The following ZSCAN5A variants were observed in gnomAD, a reference collection of about 807,000 sequenced individuals.
ZSCAN5A encodes zinc finger and SCAN domain-containing protein 5A.
A neutral mutation model predicts 23.7 loss-of-function variants in ZSCAN5A; 12 were observed. That is an observed-to-expected ratio of 0.51 (90% CI 0.32 to 0.82). The LOEUF (loss-of-function observed/expected upper bound fraction) is 0.82. ZSCAN5A is among the 40% of genes least tolerant of loss of function. The pLI is 0.03. For missense variants in ZSCAN5A, 597 were observed against 617.9 expected (o/e 0.97, Z 0.36); for synonymous variants, 257 against 239.9 (o/e 1.07, Z -0.66).
At chr19:56,345,327 TTG>T (rs1412606012) in intron 2 of ZSCAN5A, among the ~76,000 whole-genome samples, 1 of 152,234 alleles carries the variant, frequency 6.6e-6, no homozygotes, top group Non-Finnish European at 1.5e-5. Flanking sequence ...TAGTGAAACA[TTG>T]TTTACATAAC....
chr19:56,331,793 CCAGGCTGGTCTTGAACTCCTGACCT>C (rs1251515548), intron 2 of ZSCAN5A, among the ~76,000 whole-genome samples: 2 of 151,740 alleles, frequency 1.3e-5, no homozygotes, highest in African/African-American at 4.8e-5. Context: ...CGTCAGTTGG[CCAGGCTGGTCTTGAACTCCTGACCT>C]CAGGTGGTCC....
chr19:56,245,427 T>C (rs2035803681), intron 2 of ZSCAN5A: 2 of 666,824 alleles, frequency 3.0e-6, no homozygotes, highest in South Asian at 1.8e-5. Context: ...AGAAGGCAGG[T>C]GAGTGTGTGA....
chr19:56,243,061 G>A (rs556672324), intron 2 of ZSCAN5A, among the ~76,000 whole-genome samples: 5 of 152,172 alleles, frequency 3.3e-5, no homozygotes, highest in Non-Finnish European at 7.4e-5. Flanking sequence ...CTACAGGCAT[G>A]AGCCACCACA....
chr19:56,331,527 A>G (rs1265798739), intron 2 of ZSCAN5A, among the ~76,000 whole-genome samples: 1 of 127,602 alleles, frequency 7.8e-6, no homozygotes, highest in African/African-American at 3.0e-5. Context: ...TTGGTTATAT[A>G]TAGTCTAGGC....
At chr19:56,246,817 G>A (rs754511207) in intron 2 of ZSCAN5A, 22 of 1,611,094 alleles carry the variant, frequency 1.4e-5, no homozygotes, top group Middle Eastern at 1.6e-4. Context: ...TTCTGCCTGC[G>A]TTGTGGAGAG....
At chr19:56,333,823 C>A (rs2147439915) in intron 2 of ZSCAN5A, among the ~76,000 whole-genome samples, 1 of 151,776 alleles carries the variant, frequency 6.6e-6, no homozygotes, top group Admixed American at 6.6e-5. Context: ...TATGCTCACA[C>A]CTTCTAGGGA....
chr19:56,249,170 A>G (rs895045140), intron 2 of ZSCAN5A, among the ~76,000 whole-genome samples: 1 of 152,208 alleles, frequency 6.6e-6, no homozygotes, highest in Non-Finnish European at 1.5e-5. Flanking sequence ...ATAGTACCAC[A>G]TCCTGAAGGC....
At chr19:56,231,918 C>CCCTGGACA (rs2034493815) in intron 2 of ZSCAN5A, among the ~76,000 whole-genome samples, 1 of 152,154 alleles carries the variant, frequency 6.6e-6, no homozygotes, top group Non-Finnish European at 1.5e-5. Context: ...ACAGCTCCAT[C>CCCTGGACA]CCTGGACAAC....
chr19:56,364,084 C>G (rs2041750321), intron 1 of ZSCAN5A, among the ~76,000 whole-genome samples: 1 of 152,182 alleles, frequency 6.6e-6, no homozygotes, highest in South Asian at 2.1e-4. Context: ...GCAACCCCTC[C>G]CATCACAGGC....
At chr19:56,319,680 T>C (rs549965554), upstream of ZSCAN5A, 20 of 581,800 alleles carry the variant, frequency 3.4e-5, 1 homozygote, top group African/African-American at 3.0e-4. Flanking sequence ...TGTGCTTTTC[T>C]TTGTCCTTAA....
chr19:56,324,317 C>A (rs2041412340), intron 2 of ZSCAN5A, among the ~76,000 whole-genome samples: 1 of 152,144 alleles, frequency 6.6e-6, no homozygotes, highest in Admixed American at 6.5e-5. Flanking sequence ...TTTTTTATGG[C>A]TGAATAATAT....
chr19:56,332,318 C>T (rs71352883), intron 2 of ZSCAN5A, among the ~76,000 whole-genome samples: 14,569 of 152,156 alleles, frequency 0.096, 760 homozygotes, highest in South Asian at 0.16. Flanking sequence ...TCTAGAACTA[C>T]GGCTTTATGA....
In ZSCAN5A at chr19:56,292,254, A is replaced by G. The variant is rs953097974; in HGVS notation, c.-128+21029T>C. Among the ~76,000 whole-genome samples the G allele has an allele frequency of 2.6e-5, 4 of 152,154 alleles. No homozygotes were observed. The East Asian group carries it at 5.8e-4, about 22-fold the overall frequency. ...TTAAAAAGTCTTGAAATTGTAGTAA[A>G]ATATACAAAACATGAAATTTACCAT... On this transcript the variant is annotated intron_variant, in intron 2 of 5. Coordinates refer to ENST00000683990, the MANE Select transcript of ZSCAN5A (RefSeq NM_001322064.3).
chr19:56,250,692 A>T (rs1335303717), intron 2 of ZSCAN5A, among the ~76,000 whole-genome samples: 1 of 152,184 alleles, frequency 6.6e-6, no homozygotes, highest in Non-Finnish European at 1.5e-5. Flanking sequence ...AGAATGCTAC[A>T]CTAAGTGTTT....
rs965715935 is a variant in ZSCAN5A, at chr19:56,281,769, A to G, written c.-128+31514T>C. The G allele has an allele frequency of 1.4e-5, 13 of 925,294 alleles. No homozygotes were observed. In the Admixed American group the frequency reaches 1.9e-4, roughly 13 times the overall value. The allele number at this position is 925,294 out of a possible 1,614,324, so 57.3% of individuals were successfully genotyped here. ...TCAACCTAGAGAAGGAAGGGAATGA[A>G]AGAGAGAGGCAAAACTGCTGACGAT... is the stretch of plus-strand genomic sequence containing the variant. On this transcript the variant is annotated intron_variant, in intron 2 of 5. Coordinates refer to ENST00000683990, the MANE Select transcript of ZSCAN5A (RefSeq NM_001322064.3).
At chr19:56,321,088 T>C in intron 2 of ZSCAN5A, 4 of 696,970 alleles carry the variant, frequency 5.7e-6, no homozygotes, top group South Asian at 5.6e-5. Context: ...ATCTGCAGAT[T>C]TGGGATCTGT....
intron 2 of ZSCAN5A, chr19:56,274,453 CA>C (rs2038096064): frequency 1.0e-5 from 1 of 97,390 alleles, no homozygotes; most frequent in South Asian, 3.9e-4. Flanking sequence ...GACTCTGTTT[CA>C]AAAAGAAAAA....
intron 2 of ZSCAN5A, chr19:56,247,161 G>A: frequency 1.6e-6 from 1 of 630,600 alleles, no homozygotes; most frequent in Non-Finnish European, 2.9e-6. Flanking sequence ...ATTTCTGTGA[G>A]AGGTGCTTCA....
chr19:56,302,850 A>G (rs1327836936), intron 2 of ZSCAN5A: 3 of 398,562 alleles, frequency 7.5e-6, no homozygotes, highest in Admixed American at 4.4e-5. Context: ...AGGGACGTTC[A>G]TAAGGACCAA....
Sources: gnomAD v4.1 joint callset for allele counts (sites outside exome capture counted in the v4.1 genomes callset) on GRCh38, gnomAD v4.1.1 for gene constraint, MANE v1.5 for transcripts, NCBI Gene and HGNC (gene_info 2026-07-23, HGNC 2026-07-21) for gene names.